ARHGAP26: variants seen among roughly 807,000 people sequenced by gnomAD.
ARHGAP26 encodes the protein Rho GTPase activating protein 26, also known as rho GTPase-activating protein 26.
In ARHGAP26, 38 loss-of-function variants were observed where a neutral mutation model predicts 104.8. The ratio of observed to expected loss-of-function variants is 0.36; its 90% CI spans 0.28 to 0.48. The LOEUF (loss-of-function observed/expected upper bound fraction) is 0.48. ARHGAP26 is among the 20% of genes least tolerant of loss of function. The probability of loss-of-function intolerance (pLI) is 0.99; values close to 1 mark genes in which losing one functional copy is unlikely to be tolerated. For missense variants in ARHGAP26, 704 were observed against 947.9 expected, an observed-to-expected ratio of 0.74 and a Z score of 3.38; for synonymous variants, 341 against 340.0, an observed-to-expected ratio of 1.00 and a Z score of -0.03.
chr5:142,781,471 G>A (rs897288030), intron 1 of ARHGAP26, among the ~76,000 whole-genome samples: 2 of 151,904 alleles, frequency 1.3e-5, no homozygotes, highest in Non-Finnish European at 2.9e-5. Flanking sequence ...CCAGTGTTAT[G>A]AGAGTCATTC....
chr5:143,099,247 C>G (rs1367456465), intron 17 of ARHGAP26, among the ~76,000 whole-genome samples: 1 of 152,144 alleles, frequency 6.6e-6, no homozygotes, highest in African/African-American at 2.4e-5. Flanking sequence ...ACTTACATAT[C>G]CCTAAAAAAT....
At chr5:143,035,642 C>T (rs759103972) in intron 12 of ARHGAP26, among the ~76,000 whole-genome samples, 1 of 152,062 alleles carries the variant, frequency 6.6e-6, no homozygotes, top group Non-Finnish European at 1.5e-5. Flanking sequence ...CACTAAGGAA[C>T]TTATCCATGT....
chr5:142,887,922 G>A (rs938019462), intron 5 of ARHGAP26, among the ~76,000 whole-genome samples: 7 of 151,870 alleles, frequency 4.6e-5, no homozygotes, highest in Admixed American at 3.3e-4. Flanking sequence ...CCACAGTCGC[G>A]CCACTGCACT....
chr5:143,142,134 CTTTTTT>C (rs762332039), intron 19 of ARHGAP26, among the ~76,000 whole-genome samples: 4 of 105,346 alleles, frequency 3.8e-5, no homozygotes, highest in Non-Finnish European at 5.3e-5. Context: ...CTACTTTTCA[CTTTTTT>C]TTTTTTTTTT....
chr5:143,160,053 G>T (rs1051629466), intron 20 of ARHGAP26, among the ~76,000 whole-genome samples: 6 of 147,306 alleles, frequency 4.1e-5, no homozygotes, highest in East Asian at 2.0e-4. Context: ...AGTGAGAAAA[G>T]ATTTTTCTTT....
chr5:142,835,995 A>G (rs1769475713), intron 1 of ARHGAP26, among the ~76,000 whole-genome samples: 1 of 152,248 alleles, frequency 6.6e-6, no homozygotes, highest in Non-Finnish European at 1.5e-5. Flanking sequence ...TAAATGGCAG[A>G]GCCAGGATTT....
intron 17 of ARHGAP26, among the ~76,000 whole-genome samples, chr5:143,094,428 GGGGGT>G (rs1331795552): frequency 6.6e-6 from 1 of 152,204 alleles, no homozygotes; most frequent in Non-Finnish European, 1.5e-5. Context: ...GCTGCCACAA[GGGGGT>G]GGGGTGCACC....
rs1449233609 is a variant in ARHGAP26 at position 142,871,266 on chromosome 5, C to T, written c.155-2134C>T. Among the ~76,000 whole-genome samples the T allele has an allele frequency of 6.6e-6, 1 of 152,292 alleles. No individual in the cohort carries two copies. The highest frequency in any genetic ancestry group is 1.9e-4 in the East Asian group (1 of 5,186). On this transcript the variant is annotated intron_variant, in intron 1 of 22. Coordinates refer to ENST00000645722, the MANE Select transcript of ARHGAP26 (RefSeq NM_001135608.3). This position sits in a 1 kb window ranked among gnomAD's most constrained non-coding sequence, Gnocchi z 4.1. ...GGCCCTGCCCTGGTTCAATGGGTGC[C>T]CCTGTGCAGAAGCCTCACAAAGGCC...
At chr5:142,905,011 C>T (rs898471625) in intron 8 of ARHGAP26, among the ~76,000 whole-genome samples, 4 of 152,210 alleles carry the variant, frequency 2.6e-5, no homozygotes, top group Non-Finnish European at 5.9e-5. Flanking sequence ...ATGAGGATTA[C>T]ATTCCTTATT....
chr5:143,214,177 G>A (rs190917542), intron 22 of ARHGAP26, 89 bp downstream of exon 22: 5 of 866,176 alleles, frequency 5.8e-6, no homozygotes, highest in South Asian at 3.1e-5. Flanking sequence ...AGCTCCTCCC[G>A]AGGGAAAATC....
At chr5:142,780,743 G>T (rs988557256) in intron 1 of ARHGAP26, among the ~76,000 whole-genome samples, 1 of 152,088 alleles carries the variant, frequency 6.6e-6, no homozygotes, top group Admixed American at 6.5e-5. Flanking sequence ...CAGGAGATTC[G>T]GCAGGTTTGT....
At chr5:143,087,633 A>ATTTTTTTTTTTTT (rs1292744774) in intron 17 of ARHGAP26, among the ~76,000 whole-genome samples, 5 of 19,332 alleles carry the variant, frequency 2.6e-4, no homozygotes, top group African/African-American at 3.4e-4. Flanking sequence ...ACCCTGGCCC[A>ATTTTTTTTTTTTT]TTCTTTTTTT....
chr5:142,852,537 G>A (rs926800907), intron 1 of ARHGAP26, among the ~76,000 whole-genome samples: 9 of 152,190 alleles, frequency 5.9e-5, no homozygotes, highest in Non-Finnish European at 1.2e-4. Flanking sequence ...TATAGCATTC[G>A]TGCTATTAAT....
intron 18 of ARHGAP26, among the ~76,000 whole-genome samples, chr5:143,129,369 A>C (rs1797066795): frequency 6.6e-6 from 1 of 152,204 alleles, no homozygotes; most frequent in Admixed American, 6.5e-5. Context: ...TCCTCACCAC[A>C]GTCCTGGGAC....
chr5:142,802,635 G>T (rs1471775748), intron 1 of ARHGAP26, among the ~76,000 whole-genome samples: 1 of 152,144 alleles, frequency 6.6e-6, no homozygotes, highest in East Asian at 1.9e-4. Context: ...TGGCTCTGGA[G>T]TGTTTTTGGG....
intron 1 of ARHGAP26, among the ~76,000 whole-genome samples, chr5:142,851,776 T>C (rs141343217): frequency 6.6e-6 from 1 of 152,260 alleles, no homozygotes; most frequent in African/African-American, 2.4e-5. Flanking sequence ...CACATGGTCT[T>C]GTGCACCTGG....
At chr5:142,812,257 T>G (rs1168393899) in intron 1 of ARHGAP26, among the ~76,000 whole-genome samples, 2 of 152,170 alleles carry the variant, frequency 1.3e-5, no homozygotes, top group Non-Finnish European at 2.9e-5. Context: ...ACAGAGGTAT[T>G]TTTTCATATT....
intron 21 of ARHGAP26, among the ~76,000 whole-genome samples, chr5:143,209,522 T>C (rs1809102382): frequency 6.6e-6 from 1 of 152,122 alleles, no homozygotes; most frequent in Non-Finnish European, 1.5e-5. Context: ...GGTTCACAGC[T>C]GTAATCCCAG....
intron 11 of ARHGAP26, among the ~76,000 whole-genome samples, chr5:143,012,548 C>CGTATATATATATATATATAT (rs1554195583): frequency 4.3e-5 from 1 of 23,352 alleles, no homozygotes; most frequent in East Asian, 1.0e-3. Flanking sequence ...TATATACATA[C>CGTATATATATATATATATAT]ATACATATAT....
Sources: allele counts gnomAD v4.1 joint callset (sites outside exome capture counted in the v4.1 genomes callset), GRCh38; gene constraint gnomAD v4.1.1; non-coding constraint Gnocchi (gnomAD v3.1); transcripts MANE v1.5; gene names NCBI Gene and HGNC (gene_info 2026-07-23, HGNC 2026-07-21).